Variants in TLN2 observed in about 807,000 individuals in gnomAD.
The protein encoded by TLN2 is talin 2.
Under a neutral mutation model 294.7 loss-of-function variants are expected in TLN2, and 118 were observed. The observed-to-expected ratio is 0.40, with a 90% CI of 0.34 to 0.47. The LOEUF is 0.47. Among genes scored for constraint, TLN2 ranks in the 20% least tolerant of loss-of-function variants. TLN2 has a pLI of 0.84. For missense variants in TLN2, 3,083 were observed against 3,282.2 expected, an observed-to-expected ratio of 0.94 and a Z score of 1.48; for synonymous variants, 1,431 against 1,304.5, an observed-to-expected ratio of 1.10 and a Z score of -2.09.
At chr15:62,552,026 A>G (rs2042345375) in intron 1 of TLN2, among the ~76,000 whole-genome samples, 1 of 152,174 alleles carries the variant, frequency 6.6e-6, no homozygotes, top group South Asian at 2.1e-4. Context: ...GTTAATCTTG[A>G]CATTGTTCGC....
intron 1 of TLN2, among the ~76,000 whole-genome samples, chr15:62,419,725 C>G (rs1286761286): frequency 2.0e-5 from 3 of 152,028 alleles, no homozygotes; most frequent in African/African-American, 7.3e-5. Flanking sequence ...CAGCCTCGAC[C>G]TGCTGGGCTC....
intron 1 of TLN2, among the ~76,000 whole-genome samples, chr15:62,510,714 T>TG (rs1220166241): frequency 2.0e-5 from 3 of 152,206 alleles, no homozygotes; most frequent in Non-Finnish European, 2.9e-5. Flanking sequence ...GGAGAGACAG[T>TG]GAGTGCCTGG....
intron 1 of TLN2, among the ~76,000 whole-genome samples, chr15:62,395,695 A>G (rs2032488700): frequency 6.6e-6 from 1 of 152,226 alleles, no homozygotes; most frequent in Admixed American, 6.5e-5. Flanking sequence ...AATGTTCATC[A>G]GTAAAATGAA....
chr15:62,465,977 G>C (rs2037113769), intron 1 of TLN2, among the ~76,000 whole-genome samples: 1 of 152,198 alleles, frequency 6.6e-6, no homozygotes, highest in Non-Finnish European at 1.5e-5. Context: ...GAGGTCGCGA[G>C]GGACTGGCGT....
chr15:62,740,801 T>C (rs780982225), intron 32 of TLN2, 32 bp downstream of exon 32: 3 of 1,612,948 alleles, frequency 1.9e-6, no homozygotes, highest in Non-Finnish European at 2.5e-6. Context: ...CTTTCGTGTG[T>C]GGTTAGACAG....
chr15:62,532,015 G>T (rs1409644278), intron 1 of TLN2, among the ~76,000 whole-genome samples: 2 of 151,514 alleles, frequency 1.3e-5, no homozygotes, highest in African/African-American at 4.9e-5. Context: ...CGCACACTGG[G>T]AATAATTATT....
intron 2 of TLN2, among the ~76,000 whole-genome samples, chr15:62,600,932 A>C (rs1040210050): frequency 7.2e-5 from 11 of 152,230 alleles, no homozygotes; most frequent in Non-Finnish European, 1.6e-4. Context: ...ATCTAATATC[A>C]AGCTAATGTT....
chr15:62,471,982 G>A (rs896131739), intron 1 of TLN2, among the ~76,000 whole-genome samples: 1 of 152,024 alleles, frequency 6.6e-6, no homozygotes, highest in South Asian at 2.1e-4. Flanking sequence ...TCTCCCCTGC[G>A]CTTGACATTC....
intron 1 of TLN2, among the ~76,000 whole-genome samples, chr15:62,557,504 G>A (rs563348165): frequency 6.6e-6 from 1 of 152,306 alleles, no homozygotes; most frequent in Admixed American, 6.5e-5. Context: ...CAGAGTTAAA[G>A]CCAAAGGCTT....
At chr15:62,490,164 A>T (rs929812139) in intron 1 of TLN2, among the ~76,000 whole-genome samples, 2 of 152,176 alleles carry the variant, frequency 1.3e-5, no homozygotes, top group Non-Finnish European at 2.9e-5. Flanking sequence ...TTACTATTAT[A>T]AGCATTGTTT....
intron 1 of TLN2, among the ~76,000 whole-genome samples, chr15:62,562,211 A>G (rs545271503): frequency 2.0e-5 from 3 of 152,302 alleles, no homozygotes; most frequent in South Asian, 4.1e-4. Context: ...AGCCCTATCT[A>G]TGTAGTATTA....
At chr15:62,424,288 G>C (rs1375167245) in intron 1 of TLN2, among the ~76,000 whole-genome samples, 1 of 152,130 alleles carries the variant, frequency 6.6e-6, no homozygotes, top group Non-Finnish European at 1.5e-5. Flanking sequence ...TCCCTTTGAG[G>C]GCCATGGATG....
intron 1 of TLN2, among the ~76,000 whole-genome samples, chr15:62,553,349 ATGG>A (rs1420100386): frequency 6.6e-6 from 1 of 152,152 alleles, no homozygotes; most frequent in African/African-American, 2.4e-5. Context: ...GCTAGGCGTG[ATGG>A]TGGGTGCCTG....
At chr15:62,770,432 C>T (rs910990878) in intron 41 of TLN2, among the ~76,000 whole-genome samples, 4 of 152,272 alleles carry the variant, frequency 2.6e-5, no homozygotes, top group South Asian at 2.1e-4. Context: ...CCAAGTTGGG[C>T]GAATCATAAA....
intron 12 of TLN2, chr15:62,687,835 G>A (rs1328068746): frequency 6.6e-6 from 1 of 152,184 alleles, no homozygotes; most frequent in East Asian, 1.9e-4. Flanking sequence ...TCCTCTTGTA[G>A]CTGTAACATT....
intron 26 of TLN2, 99 bp from the exon 27 acceptor site, chr15:62,724,877 C>T: frequency 7.1e-7 from 1 of 1,402,408 alleles, no homozygotes; most frequent in South Asian, 1.7e-5. Flanking sequence ...TTTGGAGAAT[C>T]ACTGGGTATA....
chr15:62,460,877 C>T (rs186843768), intron 1 of TLN2, among the ~76,000 whole-genome samples: 1 of 152,244 alleles, frequency 6.6e-6, no homozygotes, highest in East Asian at 1.9e-4. Flanking sequence ...CCTGATACCC[C>T]TGCTGGTGCA....
At chr15:62,573,880 A>G (rs2044149959) in intron 1 of TLN2, among the ~76,000 whole-genome samples, 1 of 151,960 alleles carries the variant, frequency 6.6e-6, no homozygotes, top group Non-Finnish European at 1.5e-5. Context: ...TAGTGGGGAA[A>G]TAGCTACCCA....
intron 22 of TLN2, among the ~76,000 whole-genome samples, chr15:62,715,691 G>A (rs1261161034): frequency 6.6e-6 from 1 of 152,134 alleles, no homozygotes; most frequent in African/African-American, 2.4e-5. Flanking sequence ...CAGGTGGACG[G>A]CATTACATTT....
Sources: gnomAD v4.1 joint callset for allele counts (sites outside exome capture counted in the v4.1 genomes callset) on GRCh38, gnomAD v4.1.1 for gene constraint, MANE v1.5 for transcripts, NCBI Gene and HGNC (gene_info 2026-07-23, HGNC 2026-07-21) for gene names.